RHOQ: variants seen among roughly 807,000 people sequenced by gnomAD.
The protein encoded by RHOQ is rho-related GTP-binding protein RhoQ.
Under a neutral mutation model 25.8 loss-of-function variants are expected in RHOQ, and 7 were observed. The observed-to-expected ratio is 0.27, with a 90% confidence interval of 0.15 to 0.51. The LOEUF is 0.51. Ranked by LOEUF, RHOQ falls within the 20% of genes least tolerant of loss-of-function variation. RHOQ has a pLI of 0.97. For synonymous variants in RHOQ, 97 were observed against 98.6 expected (o/e 0.98, Z 0.10); for missense variants, 165 against 260.6 (o/e 0.63, Z 2.53).
Position 46,571,416 on chromosome 2 carries a change from C to T in RHOQ, c.202-4671C>T, listed in dbSNP as rs145369695. 2.5e-3 allele frequency among the ~76,000 whole-genome samples: 388 copies of T among 152,322 alleles called. 4 individuals carry two copies. The highest frequency in any genetic ancestry group is 1.5e-3 in the Non-Finnish European group (99 of 68,034). ...TCCAGGCACATTGTGGGCACTGCTG[C>T]ACATTCAAGTGCATTGCCTTATTTT... On this transcript the variant is annotated intron_variant, in intron 2 of 4. Coordinates refer to ENST00000238738, the MANE Select transcript of RHOQ (RefSeq NM_012249.4).
chr2:46,564,173 C>T (rs1379696430), intron 2 of RHOQ, among the ~76,000 whole-genome samples: 1 of 151,970 alleles, frequency 6.6e-6, no homozygotes, highest in Non-Finnish European at 1.5e-5. Flanking sequence ...GATGTGGTAG[C>T]ACGTACCTGT....
chr2:46,550,376 G>A (rs1235685256), intron 2 of RHOQ, among the ~76,000 whole-genome samples: 4 of 152,216 alleles, frequency 2.6e-5, no homozygotes, highest in Admixed American at 2.6e-4. Context: ...CACTAATACA[G>A]TAGAAGTCTT....
chr2:46,566,030 G>GGA lies in RHOQ; in HGVS notation c.202-10048_202-10047dup, dbSNP rs1023633408. 6.6e-6 allele frequency among the ~76,000 whole-genome samples: 1 copy of GGA among 152,114 alleles called. No individual in the cohort carries two copies. The highest frequency in any genetic ancestry group is 1.5e-5 in the Non-Finnish European group (1 of 68,018). On this transcript the variant is annotated intron_variant, in intron 2 of 4. Transcript: ENST00000238738. The surrounding 1 kb of genome is among the most constrained non-coding windows in gnomAD (Gnocchi z 4.2). ...TAGGAGCTCCCAGGTGAAGAAATAC[G>GGA]GAGAGAGAGAAGAAACAGGGAAACT... is the stretch of plus-strand genomic sequence containing the variant.
intron 2 of RHOQ, among the ~76,000 whole-genome samples, chr2:46,561,005 C>CAT (rs1381218847): frequency 4.3e-5 from 2 of 46,394 alleles, no homozygotes; most frequent in African/African-American, 2.7e-4. Flanking sequence ...CCCATAAACA[C>CAT]ACACACACAC....
chr2:46,580,588 CCT>C (rs954407851), intron 4 of RHOQ: 3 of 175,678 alleles, frequency 1.7e-5, no homozygotes, highest in African/African-American at 7.0e-5. Context: ...TATTCCCTCC[CCT>C]GTGCCTCTTA....
chr2:46,544,996 G>T (rs1667999912), intron 2 of RHOQ, among the ~76,000 whole-genome samples: 1 of 152,198 alleles, frequency 6.6e-6, no homozygotes, highest in African/African-American at 2.4e-5. Context: ...GTTGGATTCT[G>T]AAACATGCCT....
chr2:46,564,325 A>T (rs895634129), intron 2 of RHOQ, among the ~76,000 whole-genome samples: 1 of 152,188 alleles, frequency 6.6e-6, no homozygotes, highest in Non-Finnish European at 1.5e-5. Flanking sequence ...AAGAAAAATT[A>T]AAAAATAAAG....
At chr2:46,557,400 T>C (rs1235394041) in intron 2 of RHOQ, among the ~76,000 whole-genome samples, 1 of 152,152 alleles carries the variant, frequency 6.6e-6, no homozygotes, top group Non-Finnish European at 1.5e-5. Flanking sequence ...AACAAATATT[T>C]AAAGAAATGT....
chr2:46,559,848 C>G (rs75154258), intron 2 of RHOQ, among the ~76,000 whole-genome samples: 11 of 152,180 alleles, frequency 7.2e-5, no homozygotes, highest in South Asian at 4.2e-4. Context: ...CTCTTCTGCC[C>G]GAGGGATTCA....
chr2:46,572,129 T>TTTTTTTC, intron 2 of RHOQ, among the ~76,000 whole-genome samples: 1 of 143,616 alleles, frequency 7.0e-6, no homozygotes, highest in East Asian at 2.0e-4. Context: ...TTTTTTTTTT[T>TTTTTTTC]TTTTTGAGAC....
intron 2 of RHOQ, among the ~76,000 whole-genome samples, chr2:46,549,529 C>T (rs1388757939): frequency 2.0e-5 from 3 of 152,194 alleles, no homozygotes; most frequent in Non-Finnish European, 4.4e-5. Flanking sequence ...AGCAATGCTT[C>T]AGCAGGAGAG....
At chr2:46,563,842 AG>A (rs1201871161) in intron 2 of RHOQ, among the ~76,000 whole-genome samples, 1 of 151,896 alleles carries the variant, frequency 6.6e-6, no homozygotes, top group African/African-American at 2.4e-5. Flanking sequence ...TAATGGAGAC[AG>A]GGTCTCCCTA....
intron 2 of RHOQ, among the ~76,000 whole-genome samples, 176 bp downstream of exon 2, chr2:46,543,988 A>C (rs183150349): frequency 1.3e-5 from 2 of 152,182 alleles, no homozygotes; most frequent in South Asian, 4.2e-4. Flanking sequence ...CAAACAAAAC[A>C]AACAGAGCCG....
chr2:46,557,630 T>TA (rs1043465016), intron 2 of RHOQ, among the ~76,000 whole-genome samples: 10 of 152,156 alleles, frequency 6.6e-5, no homozygotes, highest in African/African-American at 2.2e-4. Context: ...CTAATTTTTT[T>TA]AAAAAAACTC....
At chr2:46,554,206 A>G (rs556326585) in intron 2 of RHOQ, among the ~76,000 whole-genome samples, 2 of 151,368 alleles carry the variant, frequency 1.3e-5, no homozygotes, top group African/African-American at 2.4e-5. Context: ...TTCTTTACAC[A>G]TGGTTGAGAT....
Position 46,583,478 on chromosome 2 carries a change from C to G in RHOQ, c.*2395C>G, listed in dbSNP as rs997392826. Among the ~76,000 whole-genome samples the G allele has an allele frequency of 6.6e-6, 1 of 152,136 alleles. No homozygotes were observed. Among genetic ancestry groups the G allele is most frequent in the Non-Finnish European group, 1.5e-5 (1 of 67,996 alleles). On this transcript the variant is annotated 3_prime_UTR_variant, in exon 5 of 5. Transcript: ENST00000238738. Reference sequence around the variant, plus strand: ...TTATCAGAACTCTAAGCAAAGATGACTGTCACATCTGAAGCTGAGGTGCCT... The same window carrying G: ...TTATCAGAACTCTAAGCAAAGATGAGTGTCACATCTGAAGCTGAGGTGCCT...
chr2:46,581,720 G>A lies in RHOQ; in HGVS notation c.*637G>A, dbSNP rs768928813. 2.3e-6 allele frequency: 3 copies of A among 1,311,490 alleles called. No homozygotes were observed. The highest frequency in any genetic ancestry group is 2.6e-5 in the Admixed American group (1 of 38,136). The allele number at this position is 1,311,490 out of a possible 1,614,324, so 81.2% of individuals were successfully genotyped here. ...TAAAGAATGCCAAAAGTGTAATAAG[G>A]TCATAACTGCATTTATCATGAACAC... On this transcript the variant is annotated 3_prime_UTR_variant, in exon 5 of 5. Coordinates refer to ENST00000238738, the MANE Select transcript of RHOQ (RefSeq NM_012249.4).
rs1392330543 is a variant in RHOQ at position 46,569,341 on chromosome 2, C to T, written c.202-6746C>T. The T allele has an allele frequency of 6.6e-6, 1 of 152,192 alleles. No homozygotes were observed. The highest frequency in any genetic ancestry group is 1.5e-5 in the Non-Finnish European group (1 of 68,034). The allele number at this position is 152,192 out of a possible 1,614,324, so 9.4% of individuals were successfully genotyped here. On this transcript the variant is annotated intron_variant, in intron 2 of 4. Transcript: ENST00000238738. This position sits in a 1 kb window ranked among gnomAD's most constrained non-coding sequence, Gnocchi z 4.1. ...CTTGATTTTTATCCCGTAGTGTGAACCTCCTCCCACATTAAATCTGCTAGT... is the reference window on the plus strand; with the variant it reads ...CTTGATTTTTATCCCGTAGTGTGAATCTCCTCCCACATTAAATCTGCTAGT...
At chr2:46,564,731 A>T (rs943486191) in intron 2 of RHOQ, among the ~76,000 whole-genome samples, 7 of 152,196 alleles carry the variant, frequency 4.6e-5, no homozygotes, top group Non-Finnish European at 8.8e-5. Flanking sequence ...GTCTATTAAA[A>T]GGATGTGTGT....
Sources: allele counts gnomAD v4.1 joint callset (sites outside exome capture counted in the v4.1 genomes callset), GRCh38; gene constraint gnomAD v4.1.1; non-coding constraint Gnocchi (gnomAD v3.1); transcripts MANE v1.5; gene names NCBI Gene and HGNC (gene_info 2026-07-23, HGNC 2026-07-21).